Variants in ZFHX3 observed in about 807,000 individuals in gnomAD.
The protein encoded by ZFHX3 is zinc finger homeobox 3, also known as zinc finger homeobox protein 3.
ZFHX3 carries 42 observed loss-of-function variants against 279.1 expected under a neutral mutation model. That is an observed-to-expected ratio of 0.15 (90% confidence interval 0.12 to 0.19). The LOEUF (loss-of-function observed/expected upper bound fraction) is 0.19. Ranked by LOEUF, ZFHX3 falls within the 10% of genes least tolerant of loss-of-function variation. ZFHX3 has a pLI of 1.00. For missense variants in ZFHX3, 4,981 were observed against 4,754.0 expected, an observed-to-expected ratio of 1.05 and a Z score of -1.40; for synonymous variants, 2,293 against 1,957.8, an observed-to-expected ratio of 1.17 and a Z score of -4.52.
intron 7 of ZFHX3, among the ~76,000 whole-genome samples, chr16:73,105,351 A>G (rs1246919741): frequency 3.3e-5 from 4 of 119,762 alleles, no homozygotes; most frequent in Non-Finnish European, 4.8e-5. Context: ...GTATATATAT[A>G]TACACATATA....
chr16:73,875,311 G>A (rs1206132954), intron 1 of ZFHX3, among the ~76,000 whole-genome samples: 1 of 152,076 alleles, frequency 6.6e-6, no homozygotes, highest in Non-Finnish European at 1.5e-5. Context: ...ATAGTGTATG[G>A]AATTTATACA....
chr16:73,463,314 C>T (rs2018504854), intron 2 of ZFHX3, among the ~76,000 whole-genome samples: 1 of 152,142 alleles, frequency 6.6e-6, no homozygotes, highest in Non-Finnish European at 1.5e-5. Flanking sequence ...AACTGAAGTA[C>T]AGAGAAGTTA....
chr16:72,836,366 A>G (rs2037192821), intron 4 of ZFHX3, among the ~76,000 whole-genome samples: 1 of 152,076 alleles, frequency 6.6e-6, no homozygotes. Context: ...ACACATCTCA[A>G]ATATTTACTC....
At chr16:73,820,603 C>A (rs1960711460) in intron 1 of ZFHX3, among the ~76,000 whole-genome samples, 1 of 152,052 alleles carries the variant, frequency 6.6e-6, no homozygotes. Flanking sequence ...GAGTCCAGCT[C>A]CAGCCAACAT....
In ZFHX3 at chr16:73,725,322, C is replaced by G. The variant is rs2053508709; in HGVS notation, c.-1607-45082G>C. On this transcript the variant is annotated intron_variant, in intron 1 of 17. Transcript: ENST00000641206. ...GCCAAGTCCTGGCCACAAAAGGGCC[C>G]TGTTTCCTTGAGGCAGCAGGGAGGG... is the stretch of plus-strand genomic sequence containing the variant. 2.0e-5 allele frequency among the ~76,000 whole-genome samples: 3 copies of G among 152,218 alleles called. No individual in the cohort carries two copies. The South Asian group carries it at 6.2e-4, about 32-fold the overall frequency.
intron 1 of ZFHX3, among the ~76,000 whole-genome samples, chr16:73,792,517 C>G (rs926462876): frequency 6.6e-6 from 1 of 152,204 alleles, no homozygotes; most frequent in Non-Finnish European, 1.5e-5. Context: ...ATTCTAAATA[C>G]ACTTTCCCCA....
At chr16:72,955,000 G>A (rs1487705863) in intron 2 of ZFHX3, among the ~76,000 whole-genome samples, 2 of 152,172 alleles carry the variant, frequency 1.3e-5, no homozygotes, top group African/African-American at 4.8e-5. Flanking sequence ...AACCAGTACA[G>A]CCACAGCTAG....
At chr16:73,151,258 T>C (rs919207673) in intron 5 of ZFHX3, among the ~76,000 whole-genome samples, 1 of 152,104 alleles carries the variant, frequency 6.6e-6, no homozygotes, top group Non-Finnish European at 1.5e-5. Flanking sequence ...GTAAATGTTA[T>C]TAAAATAAAA....
intron 1 of ZFHX3, among the ~76,000 whole-genome samples, chr16:73,008,582 A>G (rs1347741324): frequency 6.6e-6 from 1 of 152,232 alleles, no homozygotes; most frequent in Non-Finnish European, 1.5e-5. Context: ...TCTGAGTGTA[A>G]GCAACACAAG....
chr16:73,674,461 T>C (rs1257646988), intron 2 of ZFHX3, among the ~76,000 whole-genome samples: 2 of 152,214 alleles, frequency 1.3e-5, no homozygotes, highest in East Asian at 1.9e-4. Context: ...AAGTTTCAAT[T>C]TAATTGGCCA....
chr16:73,750,737 T>C (rs369367068), intron 1 of ZFHX3, among the ~76,000 whole-genome samples: 9 of 152,110 alleles, frequency 5.9e-5, no homozygotes, highest in African/African-American at 2.2e-4. Flanking sequence ...TCCCAAACCA[T>C]GGCTAAGAGA....
At chr16:73,129,841 G>A (rs975904676) in intron 7 of ZFHX3, among the ~76,000 whole-genome samples, 10 of 151,918 alleles carry the variant, frequency 6.6e-5, no homozygotes, top group Admixed American at 6.6e-4. Flanking sequence ...TGTACTTAAC[G>A]CTTAGCAATT....
intron 4 of ZFHX3, among the ~76,000 whole-genome samples, chr16:73,297,429 T>G (rs1231250000): frequency 2.6e-5 from 4 of 152,044 alleles, no homozygotes; most frequent in East Asian, 1.9e-4. Flanking sequence ...TTATCTTACA[T>G]GGACACAGTA....
intron 2 of ZFHX3, among the ~76,000 whole-genome samples, chr16:73,473,339 C>CA (rs11347779): frequency 0.038 from 2,943 of 76,604 alleles, 90 homozygotes; most frequent in Middle Eastern, 0.087. Flanking sequence ...TGTCTCAAAG[C>CA]AAAAAAAAAA....
intron 2 of ZFHX3, among the ~76,000 whole-genome samples, chr16:73,636,251 C>T (rs534046850): frequency 1.4e-4 from 22 of 152,058 alleles, no homozygotes; most frequent in Non-Finnish European, 2.6e-4. Flanking sequence ...TTACAACAAA[C>T]GAGAAGAATA....
At chr16:73,285,968 C>CT (rs2014585228) in intron 4 of ZFHX3, among the ~76,000 whole-genome samples, 1 of 152,182 alleles carries the variant, frequency 6.6e-6, no homozygotes, top group Admixed American at 6.5e-5. Flanking sequence ...ACACATATTG[C>CT]TTTTGTAAAA....
At chr16:73,525,065 C>A (rs576659209) in intron 2 of ZFHX3, among the ~76,000 whole-genome samples, 5 of 152,134 alleles carry the variant, frequency 3.3e-5, no homozygotes, top group Non-Finnish European at 7.4e-5. Flanking sequence ...ATTTTCCCTG[C>A]CTATGGAAGG....
exon 1 of ZFHX3, chr16:73,058,559 AGCGGCGCTGCTGGCGACGGCGGCGGCG>A (rs1373291647): frequency 2.8e-4 from 52 of 185,884 alleles, no homozygotes; most frequent in African/African-American, 1.0e-3. Context: ...CGGCGGCTGC[AGCGGCGCTGCTGGCGACGGCGGCGGCG>A]GCGGGAGCTG....
intron 7 of ZFHX3, chr16:73,098,832 G>A (rs1218511635): frequency 6.6e-6 from 1 of 152,216 alleles, no homozygotes; most frequent in Non-Finnish European, 1.5e-5. Flanking sequence ...ACTTCTTGCA[G>A]TCATCCTCTG....
Sources: gnomAD v4.1 joint callset for allele counts (sites outside exome capture counted in the v4.1 genomes callset) on GRCh38, gnomAD v4.1.1 for gene constraint, MANE v1.5 for transcripts, NCBI Gene and HGNC (gene_info 2026-07-23, HGNC 2026-07-21) for gene names.